SNIP1: variants seen among roughly 807,000 people sequenced by gnomAD.
SNIP1 encodes Smad nuclear interacting protein 1.
SNIP1 carries 23 observed loss-of-function variants against 37.4 expected under a neutral mutation model. That is an observed-to-expected ratio of 0.61 (90% confidence interval 0.44 to 0.87). The LOEUF (loss-of-function observed/expected upper bound fraction) is 0.87, where lower values mean the gene tolerates loss of function less well. SNIP1 is among the 40% of genes least tolerant of loss of function. The pLI is 0.00. For missense variants in SNIP1, 459 were observed against 540.4 expected (o/e 0.85, Z 1.49); for synonymous variants, 174 against 200.0 (o/e 0.87, Z 1.10).
rs575395607 is a variant in SNIP1, at chr1:37,544,668, G to C, written c.328-3913C>G. ...GCTGGCCGCCCATAGCTAGCCCTCT[G>C]TTACCTCTTCACTGGGCCCTCTGAC... On this transcript the variant is annotated intron_variant, in intron 2 of 3. Transcript: ENST00000296215. 2.0e-3 allele frequency: 1,096 copies of C among 537,732 alleles called. 3 individuals carry two copies. The highest frequency in any genetic ancestry group is 3.3e-3 in the Non-Finnish European group (947 of 289,690). The allele number at this position is 537,732 out of a possible 1,614,324, so 33.3% of individuals were successfully genotyped here.
At position 37,535,369 on chromosome 1, in the gene SNIP1, G is replaced by A. The variant is rs1275465680; in HGVS notation, c.*2379C>T. 6.6e-6 allele frequency: 1 copy of A among 150,980 alleles called. No homozygotes were observed. The highest frequency in any genetic ancestry group is 1.9e-4 in the East Asian group (1 of 5,178). The allele number at this position is 150,980 out of a possible 1,614,324, so 9.4% of individuals were successfully genotyped here. A position where few individuals can be genotyped will look rare whatever the true frequency, so the allele number is the denominator to read the frequency against. On this transcript the variant is annotated 3_prime_UTR_variant, in exon 4 of 4. Coordinates refer to ENST00000296215, the MANE Select transcript of SNIP1 (RefSeq NM_024700.4). The stretch of plus-strand genomic sequence containing the variant: ...ATGGTGCCACTGCACTCCAGCCTGG[G>A]CGACAGAGTGAGACGCCATCTCAAA...
At chr1:37,543,625 G>A (rs750071412) in intron 2 of SNIP1, among the ~76,000 whole-genome samples, 1 of 151,862 alleles carries the variant, frequency 6.6e-6, no homozygotes, top group Non-Finnish European at 1.5e-5. Flanking sequence ...GAGCTACTTG[G>A]AGAGATGTTC....
At chr1:37,538,869 G>A (rs1330624918) in intron 3 of SNIP1, among the ~76,000 whole-genome samples, 3 of 152,062 alleles carry the variant, frequency 2.0e-5, no homozygotes, top group East Asian at 1.9e-4. Context: ...GCAGGCAAGC[G>A]AGCCAAACTT....
chr1:37,550,547 A>T (rs991628314), intron 2 of SNIP1, among the ~76,000 whole-genome samples: 2 of 151,794 alleles, frequency 1.3e-5, no homozygotes, highest in Admixed American at 6.6e-5. Flanking sequence ...TCTCTACTAA[A>T]AATACAAAAA....
At chr1:37,539,380 G>A (rs973601359) in intron 3 of SNIP1, among the ~76,000 whole-genome samples, 6 of 152,190 alleles carry the variant, frequency 3.9e-5, no homozygotes, top group East Asian at 1.9e-4. Context: ...ATACAAATAC[G>A]TGTCCATTCG....
chr1:37,546,098 T>TGCAGCATTATTC (rs1553166138), intron 2 of SNIP1, among the ~76,000 whole-genome samples: 2 of 151,472 alleles, frequency 1.3e-5, no homozygotes, highest in Non-Finnish European at 2.9e-5. Flanking sequence ...CCATGTTCAT[T>TGCAGCATTATTC]GCAGCATTAT....
Position 37,536,479 on chromosome 1 carries a change from C to G in SNIP1, c.*1269G>C, listed in dbSNP as rs905000642. On this transcript the variant is annotated 3_prime_UTR_variant, in exon 4 of 4. Coordinates refer to ENST00000296215, the MANE Select transcript of SNIP1 (RefSeq NM_024700.4). ...TACTGACAGAAGGCTCCATTAGCAGCAAACAGACCTATGAACACAAGGTCC... is the reference window on the plus strand; with the variant it reads ...TACTGACAGAAGGCTCCATTAGCAGGAAACAGACCTATGAACACAAGGTCC... 2.0e-5 allele frequency: 3 copies of G among 152,434 alleles called. No individual in the cohort carries two copies. The highest frequency in any genetic ancestry group is 7.2e-5 in the African/African-American group (3 of 41,430). The allele number at this position is 152,434 out of a possible 1,614,324, so 9.4% of individuals were successfully genotyped here.
chr1:37,546,112 C>T (rs2148115349), intron 2 of SNIP1, among the ~76,000 whole-genome samples: 1 of 149,814 alleles, frequency 6.7e-6, no homozygotes, highest in Non-Finnish European at 1.5e-5. Flanking sequence ...GCATTATTCG[C>T]AATACCCTAA....
rs979409994 is a variant in SNIP1, at chr1:37,554,263, C to T, written c.-34G>A. 1 of 1,560,324 alleles carries T rather than the reference C, an allele frequency of 6.4e-7. No individual in the cohort carries two copies. The highest frequency in any genetic ancestry group is 8.7e-7 in the Non-Finnish European group (1 of 1,148,928). ...TTTGGCTGGGCGAAAGAAAACAGAT[C>T]AGTTGAGCTCCTCTAGCTGGAGGAA... is the stretch of plus-strand genomic sequence containing the variant. On this transcript the variant is annotated 5_prime_UTR_variant, in exon 1 of 4. Coordinates refer to ENST00000296215, the MANE Select transcript of SNIP1 (RefSeq NM_024700.4).
chr1:37,542,015 T>G (rs1214901387), intron 2 of SNIP1, among the ~76,000 whole-genome samples: 1 of 152,236 alleles, frequency 6.6e-6, no homozygotes, highest in African/African-American at 2.4e-5. Flanking sequence ...AGTTTTTTTT[T>G]GTTTTAATTT....
intron 2 of SNIP1, among the ~76,000 whole-genome samples, chr1:37,543,431 G>A (rs1643195239): frequency 6.6e-6 from 1 of 151,860 alleles, no homozygotes; most frequent in South Asian, 2.1e-4. Flanking sequence ...ACAACCTAAT[G>A]TCCTGCAATG....
At chr1:37,550,707 CAAAAAATAAAAAAT>C (rs561025778) in intron 2 of SNIP1, among the ~76,000 whole-genome samples, 35 of 150,092 alleles carry the variant, frequency 2.3e-4, no homozygotes, top group East Asian at 1.2e-3. Context: ...AACTCCGTCT[CAAAAAATAAAAAAT>C]AAAAAATAAA....
chr1:37,539,019 G>A (rs372152810), intron 3 of SNIP1, among the ~76,000 whole-genome samples: 30 of 152,174 alleles, frequency 2.0e-4, no homozygotes, highest in African/African-American at 7.2e-4. Flanking sequence ...TCTAGGTTGC[G>A]CGCTCCTTAC....
In SNIP1 at chr1:37,537,700, G is replaced by A; in HGVS notation, c.*48C>T. The A allele has an allele frequency of 6.3e-7, 1 of 1,578,470 alleles. No individual in the cohort carries two copies. On this transcript the variant is annotated 3_prime_UTR_variant, in exon 4 of 4. Coordinates refer to ENST00000296215, the MANE Select transcript of SNIP1 (RefSeq NM_024700.4). ...CATAGTGCTCTCTGAGTCAATCAAA[G>A]ACTTCCAAGAAGGAAACCGTGTATC... is the stretch of plus-strand genomic sequence containing the variant.
At chr1:37,547,863 AG>A (rs574539066) in intron 2 of SNIP1, among the ~76,000 whole-genome samples, 267 of 151,658 alleles carry the variant, frequency 1.8e-3, no homozygotes, top group African/African-American at 6.1e-3. Flanking sequence ...AGATTATCTC[AG>A]GGCCAGGTGC....
chr1:37,543,732 A>AG (rs1267110491), intron 2 of SNIP1, among the ~76,000 whole-genome samples: 1 of 151,286 alleles, frequency 6.6e-6, no homozygotes, highest in Non-Finnish European at 1.5e-5. Context: ...AAATCTCCAA[A>AG]GGGGGGTAAA....
Position 37,540,107 on chromosome 1 carries a change from T to G in SNIP1, c.926+50A>C, listed in dbSNP as rs201498360. ...GAACAAAAATCTTAGTAATCCTAACTGAGTGATTGTTTCTGCTCACATTAC... is the reference window on the plus strand; with the variant it reads ...GAACAAAAATCTTAGTAATCCTAACGGAGTGATTGTTTCTGCTCACATTAC... On this transcript the variant is annotated intron_variant, in intron 3 of 3. Coordinates refer to ENST00000296215, the MANE Select transcript of SNIP1 (RefSeq NM_024700.4). This position sits in a 1 kb window ranked among gnomAD's most constrained non-coding sequence, Gnocchi z 5.6. 1 of 1,470,890 alleles carries G rather than the reference T, an allele frequency of 6.8e-7. No individual in the cohort carries two copies. The allele number at this position is 1,470,890 out of a possible 1,614,324, so 91.1% of individuals were successfully genotyped here. A position where few individuals can be genotyped will look rare whatever the true frequency, so the allele number is the denominator to read the frequency against.
At chr1:37,539,087 G>C (rs948111355) in intron 3 of SNIP1, among the ~76,000 whole-genome samples, 2 of 152,246 alleles carry the variant, frequency 1.3e-5, no homozygotes, top group South Asian at 4.1e-4. Context: ...GGACCATCAA[G>C]CTGGAGGAAA....
intron 3 of SNIP1, among the ~76,000 whole-genome samples, chr1:37,539,784 CA>C (rs1421580295): frequency 6.6e-6 from 1 of 152,138 alleles, no homozygotes; most frequent in Non-Finnish European, 1.5e-5. Flanking sequence ...TGCAAGCTAT[CA>C]AGATCCAGTT....
Sources: gnomAD v4.1 joint callset for allele counts (sites outside exome capture counted in the v4.1 genomes callset) on GRCh38, gnomAD v4.1.1 for gene constraint, Gnocchi (gnomAD v3.1) non-coding constraint, MANE v1.5 for transcripts, NCBI Gene and HGNC (gene_info 2026-07-23, HGNC 2026-07-21) for gene names.